The following KHDRBS2 variants were observed in gnomAD, a reference collection of about 807,000 sequenced individuals.
KHDRBS2 encodes KH RNA binding domain containing, signal transduction associated 2.
In KHDRBS2, 26 loss-of-function variants were observed where a neutral mutation model predicts 44.3. The observed-to-expected ratio is 0.59, with a 90% CI of 0.43 to 0.81. KHDRBS2 has a LOEUF of 0.81. KHDRBS2 is among the 40% of genes least tolerant of loss of function. The pLI is 0.00. For missense variants in KHDRBS2, 476 were observed against 433.1 expected, an observed-to-expected ratio of 1.10 and a Z score of -0.88; for synonymous variants, 194 against 151.1, an observed-to-expected ratio of 1.28 and a Z score of -2.08.
chr6:62,168,438 T>C (rs760601384), intron 2 of KHDRBS2, among the ~76,000 whole-genome samples: 3 of 152,112 alleles, frequency 2.0e-5, no homozygotes, highest in Non-Finnish European at 4.4e-5. Context: ...AACAAGTAGA[T>C]ACCCTCTTAC....
At chr6:62,269,466 C>A (rs768201039) in intron 1 of KHDRBS2, among the ~76,000 whole-genome samples, 2 of 151,902 alleles carry the variant, frequency 1.3e-5, no homozygotes, top group Non-Finnish European at 2.9e-5. Context: ...AATGAGCCCC[C>A]CAAAAGCACA....
At chr6:62,121,114 C>T (rs1214632109) in intron 2 of KHDRBS2, among the ~76,000 whole-genome samples, 2 of 152,126 alleles carry the variant, frequency 1.3e-5, no homozygotes, top group Non-Finnish European at 2.9e-5. Context: ...CTGGGCTCAT[C>T]CTGTGGTCAT....
At chr6:61,720,838 C>T (rs1772350146) in intron 7 of KHDRBS2, among the ~76,000 whole-genome samples, 1 of 151,272 alleles carries the variant, frequency 6.6e-6, no homozygotes, top group Non-Finnish European at 1.5e-5. Flanking sequence ...GTGTTTTAGA[C>T]ATGAAGTCCT....
chr6:61,983,236 C>CTTTCTTT (rs1309156581), intron 3 of KHDRBS2, among the ~76,000 whole-genome samples: 5 of 118,506 alleles, frequency 4.2e-5, no homozygotes, highest in East Asian at 2.4e-4. Flanking sequence ...TTCTTTCTTT[C>CTTTCTTT]TTTTTTTTTT....
At chr6:61,745,957 T>C (rs1403129275) in intron 6 of KHDRBS2, among the ~76,000 whole-genome samples, 1 of 152,184 alleles carries the variant, frequency 6.6e-6, no homozygotes, top group Non-Finnish European at 1.5e-5. Context: ...GTCTTACATT[T>C]CTTTAGAACT....
At chr6:61,702,364 A>C (rs1338172589) in intron 7 of KHDRBS2, among the ~76,000 whole-genome samples, 2 of 151,966 alleles carry the variant, frequency 1.3e-5, no homozygotes, top group African/African-American at 4.8e-5. Context: ...GGATCAGTGA[A>C]TGATGCCATG....
At chr6:62,041,219 T>A (rs957726512) in intron 3 of KHDRBS2, among the ~76,000 whole-genome samples, 3 of 151,946 alleles carry the variant, frequency 2.0e-5, no homozygotes, top group African/African-American at 7.2e-5. Context: ...TAATCCCAGC[T>A]ACTTGGAAGT....
chr6:62,037,238 T>C (rs1268912373), intron 3 of KHDRBS2, among the ~76,000 whole-genome samples: 2 of 151,884 alleles, frequency 1.3e-5, no homozygotes, highest in Non-Finnish European at 2.9e-5. Context: ...AGGTAGGATA[T>C]GTCTGTTTTT....
chr6:62,011,582 A>C (rs947965396), intron 3 of KHDRBS2, among the ~76,000 whole-genome samples: 1 of 152,194 alleles, frequency 6.6e-6, no homozygotes, highest in Non-Finnish European at 1.5e-5. Flanking sequence ...TGTCAAATGC[A>C]TTAGACGGTA....
At chr6:62,114,082 TCTCA>T (rs1258731650) in intron 2 of KHDRBS2, among the ~76,000 whole-genome samples, 12 of 152,028 alleles carry the variant, frequency 7.9e-5, no homozygotes, top group Admixed American at 7.2e-4. Context: ...TCTCATGAGA[TCTCA>T]CTCACTATCA....
At chr6:61,722,462 C>G (rs1270789840) in intron 7 of KHDRBS2, among the ~76,000 whole-genome samples, 1 of 152,062 alleles carries the variant, frequency 6.6e-6, no homozygotes, top group South Asian at 2.1e-4. Context: ...TATAATTATT[C>G]CATTTAGGCA....
intron 6 of KHDRBS2, among the ~76,000 whole-genome samples, chr6:61,815,841 GATAATA>G (rs769619503): frequency 5.4e-4 from 82 of 152,214 alleles, no homozygotes; most frequent in Admixed American, 2.5e-3. Context: ...ACCATATGTT[GATAATA>G]ACCTTTGCAT....
chr6:61,637,703 C>T, the KHDRBS2 span, among the ~76,000 whole-genome samples: 3 of 152,082 alleles, frequency 2.0e-5, no homozygotes, highest in African/African-American at 7.2e-5. Flanking sequence ...CTGTTGTTTC[C>T]TGACTTTTTA....
intron 2 of KHDRBS2, among the ~76,000 whole-genome samples, chr6:62,173,617 A>G (rs543596186): frequency 6.6e-6 from 1 of 152,128 alleles, no homozygotes; most frequent in East Asian, 1.9e-4. Flanking sequence ...AAAGAAAACT[A>G]TTAAAACTTC....
intron 6 of KHDRBS2, among the ~76,000 whole-genome samples, chr6:61,807,189 G>A (rs1246809321): frequency 3.9e-5 from 6 of 152,070 alleles, no homozygotes; most frequent in Non-Finnish European, 8.8e-5. Flanking sequence ...GGCAGGTGAG[G>A]TTGTGGAGAA....
At chr6:61,705,325 T>C (rs1245275524) in intron 7 of KHDRBS2, among the ~76,000 whole-genome samples, 1 of 151,764 alleles carries the variant, frequency 6.6e-6, no homozygotes, top group Non-Finnish European at 1.5e-5. Flanking sequence ...ATCTGTATCT[T>C]TAACATTCTT....
intron 7 of KHDRBS2, among the ~76,000 whole-genome samples, chr6:61,697,747 T>C (rs1768076986): frequency 6.6e-6 from 1 of 152,138 alleles, no homozygotes; most frequent in South Asian, 2.1e-4. Context: ...TTTCACTCGA[T>C]ATTTTGCTAG....
At chr6:62,235,187 G>A (rs543737010) in intron 1 of KHDRBS2, among the ~76,000 whole-genome samples, 16 of 150,262 alleles carry the variant, frequency 1.1e-4, no homozygotes, top group African/African-American at 2.4e-4. Context: ...CTTAACACAC[G>A]GGATGGTAAA....
At chr6:61,721,305 A>G (rs927593957) in intron 7 of KHDRBS2, among the ~76,000 whole-genome samples, 1 of 152,064 alleles carries the variant, frequency 6.6e-6, no homozygotes, top group Non-Finnish European at 1.5e-5. Context: ...GTTTTTTCCA[A>G]TTCTGTGAAG....
Sources: gnomAD v4.1 joint callset for allele counts (sites outside exome capture counted in the v4.1 genomes callset) on GRCh38, gnomAD v4.1.1 for gene constraint, MANE v1.5 for transcripts, NCBI Gene and HGNC (gene_info 2026-07-23, HGNC 2026-07-21) for gene names.